Variants in PRUNE2 observed in about 807,000 individuals in gnomAD.
PRUNE2 encodes protein prune homolog 2.
PRUNE2 carries 164 observed loss-of-function variants against 252.0 expected under a neutral mutation model. That is an observed-to-expected ratio of 0.65 (90% CI 0.57 to 0.74). The LOEUF is 0.74. Ranked by LOEUF, PRUNE2 falls within the 30% of genes least tolerant of loss-of-function variation. The pLI is 0.00. For missense variants in PRUNE2, 3,495 were observed against 3,711.0 expected (o/e 0.94, Z 1.51); for synonymous variants, 1,292 against 1,350.2 (o/e 0.96, Z 0.94).
At chr9:76,805,345 G>A (rs528024331) in intron 6 of PRUNE2, among the ~76,000 whole-genome samples, 3 of 152,274 alleles carry the variant, frequency 2.0e-5, no homozygotes, top group South Asian at 2.1e-4. Flanking sequence ...GTGTGGCTGC[G>A]CACGGTGGCT....
chr9:76,797,681 GC>G (rs1483716004), intron 6 of PRUNE2, among the ~76,000 whole-genome samples: 1 of 137,050 alleles, frequency 7.3e-6, no homozygotes, highest in South Asian at 2.4e-4. Flanking sequence ...CCCCCACCCT[GC>G]CCCCCGCAAC....
intron 18 of PRUNE2, among the ~76,000 whole-genome samples, chr9:76,615,959 G>T (rs1288367001): frequency 6.6e-6 from 1 of 151,782 alleles, no homozygotes; most frequent in African/African-American, 2.4e-5. Flanking sequence ...TTAGCGAGAC[G>T]GGGTTTCACC....
At chr9:76,867,810 A>G (rs930925412) in intron 1 of PRUNE2, among the ~76,000 whole-genome samples, 6 of 152,082 alleles carry the variant, frequency 3.9e-5, no homozygotes, top group African/African-American at 7.2e-5. Flanking sequence ...TGACCTTGTG[A>G]TCCGCCCACC....
At chr9:76,745,769 T>C (rs2050049251) in intron 6 of PRUNE2, among the ~76,000 whole-genome samples, 2 of 152,228 alleles carry the variant, frequency 1.3e-5, no homozygotes, top group Admixed American at 6.5e-5. Flanking sequence ...ATTGGCTCTA[T>C]CTGGGCAGTG....
At chr9:76,742,305 TA>T (rs1176574211) in intron 6 of PRUNE2, among the ~76,000 whole-genome samples, 2 of 151,996 alleles carry the variant, frequency 1.3e-5, no homozygotes, top group Admixed American at 6.6e-5. Flanking sequence ...TACATAACTT[TA>T]AAAAAAATCA....
Position 76,707,083 on chromosome 9 carries a change from C to G in PRUNE2, c.5191G>C (p.Asp1731His), listed in dbSNP as rs1439430383. Residue 1731 changes from aspartate (D) to histidine (H), a missense_variant, in exon 8 of 19, where the codon GAT (aspartate) becomes CAT (histidine). Physicochemically the swap from Asp to His is moderately conservative, Grantham distance 81. Coordinates refer to ENST00000376718, the MANE Select transcript of PRUNE2 (RefSeq NM_015225.3). ...NESNKFLVTA[D>H]PKSENIYDYL... is the part of the protein sequence containing the mutation. ...TCATAAATATTTTCAGACTTAGGAT[C>G]AGCTGTGACCAAGAACTTATTAGAT... is the stretch of plus-strand genomic sequence containing the variant. The G allele has an allele frequency of 8.7e-6, 14 of 1,613,954 alleles. No individual in the cohort carries two copies. The Admixed American group carries it at 2.0e-4, about 23-fold the overall frequency.
At chr9:76,674,297 C>A (rs1276693705) in intron 9 of PRUNE2, among the ~76,000 whole-genome samples, 5 of 152,198 alleles carry the variant, frequency 3.3e-5, no homozygotes, top group Non-Finnish European at 5.9e-5. Context: ...AGTGAACTCC[C>A]ATTCGCAATT....
chr9:76,834,720 T>C (rs1440804765), intron 4 of PRUNE2, among the ~76,000 whole-genome samples: 1 of 152,324 alleles, frequency 6.6e-6, no homozygotes, highest in South Asian at 2.1e-4. Context: ...GATAAAAGTA[T>C]GAAAACTAAC....
In PRUNE2 at chr9:76,708,569, T is replaced by C. The variant is rs770535230; in HGVS notation, c.3705A>G (p.Pro1235=). 6.8e-6 allele frequency: 11 copies of C among 1,613,864 alleles called. No homozygotes were observed. Among genetic ancestry groups the C allele is most frequent in the Non-Finnish European group, 8.5e-6 (10 of 1,179,894 alleles). Residue 1235 remains proline (P), a synonymous_variant, in exon 8 of 19, where the codon CCA becomes CCG. Transcript: ENST00000376718. The part of the protein sequence containing the change: ...RDKDMSSFML[P]GSSHITDSEQ... ...CTGAATCTGTGATATGTGAGGAGCC[T>C]GGTAACATGAATGATGACATGTCTT...
Position 76,652,541 on chromosome 9 carries a change from G to T in PRUNE2, c.8499C>A (p.Ile2833=). 6.2e-7 allele frequency: 1 copy of T among 1,613,408 alleles called. No individual in the cohort carries two copies. Among genetic ancestry groups the T allele is most frequent in the Non-Finnish European group, 8.5e-7 (1 of 1,179,446 alleles). Residue 2833 remains isoleucine (I), a synonymous_variant, in exon 11 of 19, where the codon ATC becomes ATA. Coordinates refer to ENST00000376718, the MANE Select transcript of PRUNE2 (RefSeq NM_015225.3). ...CGGGGGTATCAAGTTCATCCACATT[G>T]ATGTCAATTTCATCTGGACTGTCCA... ...DNLDSPDEID[I]NVDELDTPDE...
intron 6 of PRUNE2, among the ~76,000 whole-genome samples, chr9:76,769,503 G>A (rs1010464416): frequency 6.7e-6 from 1 of 149,958 alleles, no homozygotes; most frequent in African/African-American, 2.5e-5. Flanking sequence ...GCTCGTCGTC[G>A]CAACCTCCGC....
intron 6 of PRUNE2, among the ~76,000 whole-genome samples, chr9:76,767,790 G>T (rs919518863): frequency 1.2e-4 from 19 of 152,148 alleles, no homozygotes; most frequent in African/African-American, 4.1e-4. Flanking sequence ...CCAGCTGGAG[G>T]GAGTGCACAC....
At chr9:76,827,060 T>C (rs1279381075) in intron 4 of PRUNE2, among the ~76,000 whole-genome samples, 1 of 152,210 alleles carries the variant, frequency 6.6e-6, no homozygotes, top group Non-Finnish European at 1.5e-5. Context: ...TGGTCTTAAA[T>C]GATTTCAAAA....
At chr9:76,754,833 G>C (rs1460423329) in intron 6 of PRUNE2, among the ~76,000 whole-genome samples, 1 of 151,748 alleles carries the variant, frequency 6.6e-6, no homozygotes, top group Non-Finnish European at 1.5e-5. Context: ...GGGCATGTTG[G>C]CACACTGCTG....
chr9:76,770,063 C>A (rs2052920420), intron 6 of PRUNE2, among the ~76,000 whole-genome samples: 1 of 152,116 alleles, frequency 6.6e-6, no homozygotes, highest in African/African-American at 2.4e-5. Flanking sequence ...CCCAGAATAT[C>A]AGGACCTTGC....
intron 9 of PRUNE2, among the ~76,000 whole-genome samples, chr9:76,697,792 T>C (rs2045525340): frequency 6.6e-6 from 1 of 152,186 alleles, no homozygotes; most frequent in Non-Finnish European, 1.5e-5. Flanking sequence ...AAGCAGTTCA[T>C]GTGTTAAGTC....
At chr9:76,903,077 T>C (rs1589855973) in intron 1 of PRUNE2, among the ~76,000 whole-genome samples, 1 of 152,204 alleles carries the variant, frequency 6.6e-6, no homozygotes, top group East Asian at 1.9e-4. Context: ...CTGTTCAACC[T>C]AGGGGCCTGG....
intron 6 of PRUNE2, among the ~76,000 whole-genome samples, chr9:76,728,075 C>G (rs2048275410): frequency 6.6e-6 from 1 of 152,050 alleles, no homozygotes; most frequent in Non-Finnish European, 1.5e-5. Context: ...AAAAATCTAT[C>G]TTTTATCTCC....
rs1310719673 is a variant in PRUNE2, at chr9:76,736,049, GTAATC to G, written c.757-22333_757-22329del. 2.6e-5 allele frequency among the ~76,000 whole-genome samples: 4 copies of G among 151,970 alleles called. No individual in the cohort carries two copies. The East Asian group carries it at 7.7e-4, about 29-fold the overall frequency. ...TTTAATCATTTTTCATTCCCTTACT[GTAATC>G]TAAGGAGAAAATATGAAATACCAAA... On this transcript the variant is annotated intron_variant, in intron 6 of 18. Coordinates refer to ENST00000376718, the MANE Select transcript of PRUNE2 (RefSeq NM_015225.3).
Sources: allele counts gnomAD v4.1 joint callset (sites outside exome capture counted in the v4.1 genomes callset), GRCh38; gene constraint gnomAD v4.1.1; transcripts MANE v1.5; gene names NCBI Gene and HGNC (gene_info 2026-07-23, HGNC 2026-07-21).